The following COP1 variants were observed in gnomAD, a reference collection of about 807,000 sequenced individuals.
COP1 encodes E3 ubiquitin-protein ligase COP1.
COP1 carries 24 observed loss-of-function variants against 101.3 expected under a neutral mutation model. The observed-to-expected ratio is 0.24, with a 90% CI of 0.17 to 0.33. The LOEUF (loss-of-function observed/expected upper bound fraction) is 0.33. Ranked by LOEUF, COP1 falls within the 10% of genes least tolerant of loss-of-function variation. COP1 has a pLI of 1.00. For synonymous variants in COP1, 347 were observed against 341.9 expected, an observed-to-expected ratio of 1.01 and a Z score of -0.17; for missense variants, 663 against 906.2, an observed-to-expected ratio of 0.73 and a Z score of 3.45.
chr1:176,149,167 T>C, intron 5 of COP1, 93 bp from the exon 6 acceptor site: 1 of 592,676 alleles, frequency 1.7e-6, no homozygotes, highest in Non-Finnish European at 2.8e-6. Flanking sequence ...GAAGCAAATT[T>C]ATGCACCCAT....
chr1:175,982,008 A>C (rs1428587917), intron 18 of COP1, among the ~76,000 whole-genome samples: 1 of 152,158 alleles, frequency 6.6e-6, no homozygotes, highest in East Asian at 1.9e-4. Flanking sequence ...GGTGTGTTAA[A>C]AAAAGATGAA....
Position 176,149,003 on chromosome 1 carries a change from T to C in COP1, c.831+3A>G. ...ATTATGTAAAACACACAAAATAATA[T>C]ACCTCTCTCTTATTTCTTCTTGCAA... On this transcript the variant is annotated splice_donor_region_variant and intron_variant, in intron 6 of 19. Coordinates refer to ENST00000367669, the MANE Select transcript of COP1 (RefSeq NM_022457.7). 1 of 1,548,664 alleles carries C rather than the reference T, an allele frequency of 6.5e-7. No homozygotes were observed.
At chr1:176,173,590 T>G (rs1412505980) in intron 3 of COP1, among the ~76,000 whole-genome samples, 1 of 149,772 alleles carries the variant, frequency 6.7e-6, no homozygotes, top group African/African-American at 2.5e-5. Context: ...CAGTGAGCCA[T>G]GATCGCACTA....
intron 11 of COP1, among the ~76,000 whole-genome samples, chr1:176,048,005 T>C (rs949848569): frequency 6.6e-6 from 1 of 151,758 alleles, no homozygotes; most frequent in Non-Finnish European, 1.5e-5. Context: ...CCCAGGAATT[T>C]GAAGCTGCAG....
intron 18 of COP1, among the ~76,000 whole-genome samples, chr1:175,986,176 C>A (rs541724343): frequency 6.6e-6 from 1 of 151,980 alleles, no homozygotes; most frequent in Non-Finnish European, 1.5e-5. Flanking sequence ...CCCGCCACCA[C>A]GCCTGGCTAA....
Position 176,154,679 on chromosome 1 carries a change from T to A in COP1, c.763-5605A>T, listed in dbSNP as rs150970450. 6.2e-3 allele frequency among the ~76,000 whole-genome samples: 946 copies of A among 152,194 alleles called. 14 individuals carry two copies. Among genetic ancestry groups the A allele is most frequent in the African/African-American group, 0.022 (893 of 41,526 alleles). On this transcript the variant is annotated intron_variant, in intron 5 of 19. Transcript: ENST00000367669. ...GAAAAGGATCACGAAAAATAACTAA[T>A]GGATACTAGGCTTAATAGCTGGGTG... is the stretch of plus-strand genomic sequence containing the variant.
chr1:176,011,858 G>A (rs1664732449), intron 15 of COP1, among the ~76,000 whole-genome samples: 1 of 152,080 alleles, frequency 6.6e-6, no homozygotes, highest in African/African-American at 2.4e-5. Context: ...TCATTCTGGT[G>A]TACACAAACC....
In COP1 at chr1:176,010,405, G is replaced by T. The variant is rs150573826; in HGVS notation, c.1729+17167C>A. The stretch of plus-strand genomic sequence containing the variant: ...GAATATTTATTAAGTTTTTACTAGT[G>T]GGTCACTCATTGTATTTAGTTGCCA... On this transcript the variant is annotated intron_variant, in intron 15 of 19. Transcript: ENST00000367669. Among the ~76,000 whole-genome samples, 400 of 152,208 alleles carry T rather than the reference G, an allele frequency of 2.6e-3. 3 individuals carry two copies. Among genetic ancestry groups the T allele is most frequent in the African/African-American group, 9.2e-3 (382 of 41,526 alleles).
chr1:175,951,463 A>ATATATAC (rs1558154896), intron 18 of COP1, among the ~76,000 whole-genome samples: 1 of 39,920 alleles, frequency 2.5e-5, no homozygotes, highest in African/African-American at 9.8e-5. Flanking sequence ...TATATATATA[A>ATATATAC]AAACTTCCAT....
intron 15 of COP1, among the ~76,000 whole-genome samples, chr1:175,992,908 G>C (rs1021287617): frequency 2.6e-5 from 4 of 152,178 alleles, no homozygotes; most frequent in Non-Finnish European, 5.9e-5. Flanking sequence ...CCAGCATGCA[G>C]CTGGAGATCT....
chr1:176,185,052 C>A lies in COP1; in HGVS notation c.408-360G>T, dbSNP rs114376530. On this transcript the variant is annotated intron_variant, in intron 1 of 19. Coordinates refer to ENST00000367669, the MANE Select transcript of COP1 (RefSeq NM_022457.7). ...GTTTTCCATCACATGTACTCAAAAGCGTGTACCGAGACCTGCTAAATACTC... is the reference window on the plus strand; with the variant it reads ...GTTTTCCATCACATGTACTCAAAAGAGTGTACCGAGACCTGCTAAATACTC... Among the ~76,000 whole-genome samples the A allele has an allele frequency of 5.9e-3, 891 of 152,188 alleles. 12 individuals are homozygous for A. The highest frequency in any genetic ancestry group is 0.021 in the African/African-American group (854 of 41,538).
intron 8 of COP1, among the ~76,000 whole-genome samples, chr1:176,127,446 A>G (rs1572401056): frequency 6.6e-6 from 1 of 152,016 alleles, no homozygotes; most frequent in African/African-American, 2.4e-5. Context: ...AGATCATACA[A>G]TATCTGTCTT....
intron 5 of COP1, among the ~76,000 whole-genome samples, chr1:176,159,015 C>T (rs927523513): frequency 2.6e-5 from 4 of 152,128 alleles, no homozygotes; most frequent in Non-Finnish European, 5.9e-5. Context: ...GTATTAAAAA[C>T]TCTAAAGCAA....
At chr1:176,066,527 T>G (rs942061705) in intron 11 of COP1, among the ~76,000 whole-genome samples, 1 of 152,140 alleles carries the variant, frequency 6.6e-6, no homozygotes, top group African/African-American at 2.4e-5. Flanking sequence ...AGATCAAATT[T>G]TTTAAAGTCC....
At chr1:176,045,158 T>C (rs1671293709) in intron 12 of COP1, among the ~76,000 whole-genome samples, 1 of 152,152 alleles carries the variant, frequency 6.6e-6, no homozygotes, top group Non-Finnish European at 1.5e-5. Flanking sequence ...TTTCTTTGTA[T>C]AAAATGGAGC....
intron 11 of COP1, among the ~76,000 whole-genome samples, chr1:176,053,573 T>C (rs2149249660): frequency 6.6e-6 from 1 of 152,294 alleles, no homozygotes; most frequent in Admixed American, 6.5e-5. Flanking sequence ...TCTGCCCACT[T>C]CCACTTCACA....
At chr1:176,203,826 A>G (rs141858031) in intron 1 of COP1, among the ~76,000 whole-genome samples, 73 of 152,340 alleles carry the variant, frequency 4.8e-4, no homozygotes, top group African/African-American at 1.7e-3. Flanking sequence ...GGAGAGGCCA[A>G]TGTTTATTAC....
At chr1:176,051,309 A>G (rs1672514293) in intron 11 of COP1, among the ~76,000 whole-genome samples, 1 of 152,218 alleles carries the variant, frequency 6.6e-6, no homozygotes, top group Non-Finnish European at 1.5e-5. Flanking sequence ...AACACATTAC[A>G]GTTATGTGCT....
rs539380907 is a variant in COP1, at chr1:175,966,424, A to G, written c.2134-19185T>C. Among the ~76,000 whole-genome samples, 7 of 152,336 alleles carry G rather than the reference A, an allele frequency of 4.6e-5. No individual in the cohort carries two copies. In the South Asian group the frequency reaches 1.2e-3, roughly 27 times the overall value. On this transcript the variant is annotated intron_variant, in intron 18 of 19. Transcript: ENST00000367669. Reference sequence around the variant, plus strand: ...TTCACTTAATCTGCATGGCAACCCAATGAGGAAGGTACTATTTTTATCATC... The same window carrying G: ...TTCACTTAATCTGCATGGCAACCCAGTGAGGAAGGTACTATTTTTATCATC...
Sources: allele counts gnomAD v4.1 joint callset (sites outside exome capture counted in the v4.1 genomes callset), GRCh38; gene constraint gnomAD v4.1.1; transcripts MANE v1.5; gene names NCBI Gene and HGNC (gene_info 2026-07-23, HGNC 2026-07-21).